Variants in CCDC57 observed in about 807,000 individuals in gnomAD.
The protein encoded by CCDC57 is coiled-coil domain-containing protein 57.
CCDC57 carries 118 observed loss-of-function variants against 118.9 expected under a neutral mutation model. That is an observed-to-expected ratio of 0.99 (90% CI 0.86 to 1.16). The LOEUF is 1.16. CCDC57 is among the 50% of genes most tolerant of loss of function. The pLI, the probability that CCDC57 is intolerant of heterozygous loss-of-function variation, is 0.00. For synonymous variants in CCDC57, 527 were observed against 532.9 expected, an observed-to-expected ratio of 0.99 and a Z score of 0.15; for missense variants, 1,300 against 1,320.7, an observed-to-expected ratio of 0.98 and a Z score of 0.24.
chr17:82,200,442 T>G (rs925199957), intron 3 of CCDC57, among the ~76,000 whole-genome samples: 3 of 152,122 alleles, frequency 2.0e-5, no homozygotes, highest in Non-Finnish European at 2.9e-5. Flanking sequence ...AGAAATGACT[T>G]TCTATGATAA....
At position 82,187,236 on chromosome 17, in the gene CCDC57, CAA is replaced by C. The variant is rs61100137; in HGVS notation, c.1052+981_1052+982del. Among the ~76,000 whole-genome samples the C allele has an allele frequency of 5.9e-3, 371 of 62,972 alleles. 1 individual carries two copies. Among genetic ancestry groups the C allele is most frequent in the Middle Eastern group, 0.014 (1 of 70 alleles). The allele number at this position is 62,972 out of a possible 152,430, so 41.3% of individuals were successfully genotyped here. A position where few individuals can be genotyped will look rare whatever the true frequency, so the allele number is the denominator to read the frequency against. On this transcript the variant is annotated intron_variant, in intron 8 of 19. Coordinates refer to ENST00000665763, the Ensembl canonical transcript of CCDC57. Reference sequence around the variant, plus strand: ...TCGGTAACAGAGCCAGACTCCATCTCAAAAAAAAAAAAAAAAAAAGTCAAGAT... The same window carrying C: ...TCGGTAACAGAGCCAGACTCCATCTCAAAAAAAAAAAAAAAAAGTCAAGAT...
At position 82,212,376 on chromosome 17, in the gene CCDC57, T is replaced by A. The variant is rs1409260435; in HGVS notation, c.-211+409A>T. On this transcript the variant is annotated intron_variant, in intron 1 of 19. Coordinates refer to ENST00000665763, the Ensembl canonical transcript of CCDC57. This position sits in a 1 kb window ranked among gnomAD's most constrained non-coding sequence, Gnocchi z 4.1. The stretch of plus-strand genomic sequence containing the variant: ...TGGATTACAGGCGCGAACCACCGCC[T>A]CCGGCCTTTTTTTTTCCTCTCTTTT... Among the ~76,000 whole-genome samples the A allele has an allele frequency of 1.4e-5, 2 of 142,950 alleles. No individual in the cohort carries two copies. Among genetic ancestry groups the A allele is most frequent in the African/African-American group, 2.6e-5 (1 of 37,864 alleles). 93.8% of individuals were successfully genotyped at this position (142,950 alleles called of 152,430 possible). A position where few individuals can be genotyped will look rare whatever the true frequency, so the allele number is the denominator to read the frequency against.
exon 20 of CCDC57, chr17:82,101,855 G>A (rs1349111237): frequency 3.2e-6 from 5 of 1,574,864 alleles, no homozygotes; most frequent in Non-Finnish European, 4.3e-6. Context: ...GCTGCTGGAG[G>A]AGCTGGGAGC....
chr17:82,180,044 G>A (rs1389134751), intron 9 of CCDC57, among the ~76,000 whole-genome samples: 1 of 152,206 alleles, frequency 6.6e-6, no homozygotes, highest in Non-Finnish European at 1.5e-5. Flanking sequence ...GCATGGCTCT[G>A]CGTGAGACTG....
At chr17:82,123,922 A>C (rs1425275833) in intron 19 of CCDC57, among the ~76,000 whole-genome samples, 2 of 149,220 alleles carry the variant, frequency 1.3e-5, no homozygotes, top group Non-Finnish European at 3.0e-5. Flanking sequence ...CAGATTTCAG[A>C]CTTGAAGAAG....
intron 1 of CCDC57, among the ~76,000 whole-genome samples, chr17:82,209,415 T>C (rs533912386): frequency 1.3e-5 from 2 of 152,302 alleles, no homozygotes; most frequent in African/African-American, 4.8e-5. Context: ...GGACTCAAAA[T>C]GAAGTAGAAA....
exon 7 of CCDC57, chr17:82,193,779 C>T (rs1321359711): frequency 1.2e-6 from 2 of 1,601,036 alleles, no homozygotes; most frequent in East Asian, 2.2e-5. Flanking sequence ...TTTCCTCTTC[C>T]TTCTTCCTGG....
Position 82,192,957 on chromosome 17 carries a change from C to T in CCDC57, c.851+799G>A, listed in dbSNP as rs1022166846. On this transcript the variant is annotated intron_variant, in intron 7 of 19. Coordinates refer to ENST00000665763, the Ensembl canonical transcript of CCDC57. The surrounding 1 kb of genome is among the most constrained non-coding windows in gnomAD (Gnocchi z 4.0). ...GTTTCACTGTTGGTCAGGGTGGTCT[C>T]GAATTCCTGACCTCAAGTGATCCAC... Among the ~76,000 whole-genome samples, 11 of 152,098 alleles carry T rather than the reference C, an allele frequency of 7.2e-5. No individual in the cohort carries two copies. The highest frequency in any genetic ancestry group is 2.4e-4 in the African/African-American group (10 of 41,414).
chr17:82,114,680 G>A (rs2035625457), intron 19 of CCDC57, among the ~76,000 whole-genome samples: 1 of 152,128 alleles, frequency 6.6e-6, no homozygotes, highest in Admixed American at 6.5e-5. Flanking sequence ...AGGTGTGGGA[G>A]TGGAGACACG....
chr17:82,177,015 G>A lies in CCDC57; in HGVS notation c.1506+1459C>T, dbSNP rs947424062. Among the ~76,000 whole-genome samples, 15 of 152,262 alleles carry A rather than the reference G, an allele frequency of 9.9e-5. No individual in the cohort carries two copies. The South Asian group carries it at 1.5e-3, about 15-fold the overall frequency. ...AATCCCAGCACTTTGGGAGGCCGAG[G>A]TGGGCAGATCACCTGAGGTCGGGAG... On this transcript the variant is annotated intron_variant, in intron 11 of 19. Transcript: ENST00000665763.
intron 13 of CCDC57, among the ~76,000 whole-genome samples, chr17:82,164,156 G>A (rs764480970): frequency 2.0e-5 from 3 of 152,144 alleles, no homozygotes; most frequent in Non-Finnish European, 4.4e-5. Flanking sequence ...TGGGCAGATC[G>A]CCTGAGGTCA....
At chr17:82,153,310 A>AT (rs2042288729) in intron 15 of CCDC57, 2 of 152,240 alleles carry the variant, frequency 1.3e-5, no homozygotes, top group African/African-American at 4.8e-5. Context: ...ACACTGGGTT[A>AT]TTTTGTTATT....
chr17:82,137,705 C>T (rs993322826), intron 16 of CCDC57, among the ~76,000 whole-genome samples: 17 of 146,774 alleles, frequency 1.2e-4, no homozygotes, highest in Admixed American at 4.1e-4. Context: ...GATGGAGTCT[C>T]GCTGTGTCGC....
chr17:82,182,995 C>T (rs2046398459), intron 9 of CCDC57, among the ~76,000 whole-genome samples: 1 of 152,150 alleles, frequency 6.6e-6, no homozygotes, highest in Admixed American at 6.6e-5. Flanking sequence ...CCACCAAACA[C>T]TTTTAAACCA....
chr17:82,204,063 CCGCTGGGGGCACGAGGGCT>C (rs971030390), intron 2 of CCDC57, among the ~76,000 whole-genome samples: 6 of 152,156 alleles, frequency 3.9e-5, no homozygotes, highest in African/African-American at 1.2e-4. Flanking sequence ...CAGGGCACAC[CCGCTGGGGGCACGAGGGCT>C]CCCTGGGGGT....
intron 15 of CCDC57, chr17:82,152,117 G>A (rs1270127645): frequency 3.3e-6 from 1 of 306,676 alleles, no homozygotes; most frequent in South Asian, 3.4e-5. Context: ...AGAATCTGAG[G>A]ACACCCAACC....
At chr17:82,164,380 C>CA (rs1439266633) in intron 13 of CCDC57, among the ~76,000 whole-genome samples, 9 of 148,546 alleles carry the variant, frequency 6.1e-5, no homozygotes, top group South Asian at 2.1e-4. Flanking sequence ...GACTCTGTCT[C>CA]AAAAAAAACA....
At chr17:82,115,132 G>T (rs1040003224) in intron 19 of CCDC57, among the ~76,000 whole-genome samples, 3 of 152,198 alleles carry the variant, frequency 2.0e-5, no homozygotes, top group Non-Finnish European at 2.9e-5. Flanking sequence ...ACCAGCTGGG[G>T]CTGTGTGACT....
intron 17 of CCDC57, among the ~76,000 whole-genome samples, chr17:82,131,064 C>T (rs1477463663): frequency 4.6e-5 from 7 of 151,132 alleles, no homozygotes; most frequent in East Asian, 4.0e-4. Context: ...CCACCCGTCT[C>T]GGCCTCCCAA....
Sources: allele counts gnomAD v4.1 joint callset (sites outside exome capture counted in the v4.1 genomes callset), GRCh38; gene constraint gnomAD v4.1.1; non-coding constraint Gnocchi (gnomAD v3.1); transcripts MANE v1.5; gene names NCBI Gene and HGNC (gene_info 2026-07-23, HGNC 2026-07-21).